The following ABR variants were observed in gnomAD, a reference collection of about 807,000 sequenced individuals.
The protein encoded by ABR is ABR activator of RhoGEF and GTPase.
In ABR, 35 loss-of-function variants were observed where a neutral mutation model predicts 107.2. That is an observed-to-expected ratio of 0.33 (90% CI 0.25 to 0.43). The LOEUF is 0.43. Ranked by LOEUF, ABR falls within the 20% of genes least tolerant of loss-of-function variation. The probability of loss-of-function intolerance (pLI) is 1.00; values close to 1 mark genes in which losing one functional copy is unlikely to be tolerated. For missense variants in ABR, 815 were observed against 1,115.2 expected (o/e 0.73, Z 3.83); for synonymous variants, 498 against 462.0 (o/e 1.08, Z -1.00).
At chr17:1,030,979 TTCTA>T (rs1291624864) in intron 16 of ABR, among the ~76,000 whole-genome samples, 3 of 152,170 alleles carry the variant, frequency 2.0e-5, no homozygotes, top group Non-Finnish European at 4.4e-5. Context: ...GACAGTCGGC[TTCTA>T]TCTCAGATTT....
At chr17:1,135,206 C>T (rs759998598) in intron 1 of ABR, among the ~76,000 whole-genome samples, 4 of 151,984 alleles carry the variant, frequency 2.6e-5, no homozygotes, top group Non-Finnish European at 4.4e-5. Context: ...GGGAGAGGGC[C>T]GTGCTGGAGA....
chr17:1,059,019 G>A, intron 10 of ABR, 152 bp from the exon 11 acceptor site: 1 of 1,171,480 alleles, frequency 8.5e-7, no homozygotes, highest in Non-Finnish European at 1.2e-6. Flanking sequence ...GAGGCGGGTA[G>A]CTGGGTGAGA....
intron 16 of ABR, among the ~76,000 whole-genome samples, chr17:1,016,954 T>G (rs117544671): frequency 6.6e-6 from 1 of 152,158 alleles, no homozygotes; most frequent in East Asian, 1.9e-4. Flanking sequence ...TGCAGCTCGA[T>G]GTAGGTCCTT....
Position 1,111,995 on chromosome 17 carries a change from AC to A in ABR, c.247-11261del, listed in dbSNP as rs945512527. 1.5e-3 allele frequency among the ~76,000 whole-genome samples: 226 copies of A among 152,246 alleles called. 1 individual carries two copies. The highest frequency in any genetic ancestry group is 5.2e-3 in the African/African-American group (215 of 41,530). On this transcript the variant is annotated intron_variant, in intron 2 of 22. Coordinates refer to ENST00000302538, the MANE Select transcript of ABR (RefSeq NM_021962.5). ...CTTCTGTTAGTGCGGCCGCCATCTTACGAGTCTTCCTTCCCTCAACCCCCAC... is the reference window on the plus strand; with the variant it reads ...CTTCTGTTAGTGCGGCCGCCATCTTAGAGTCTTCCTTCCCTCAACCCCCAC...
At chr17:1,072,118 G>T (rs933213862) in intron 8 of ABR, among the ~76,000 whole-genome samples, 1 of 152,196 alleles carries the variant, frequency 6.6e-6, no homozygotes, top group Non-Finnish European at 1.5e-5. Flanking sequence ...TGGCCAGGCT[G>T]GTCTCAAACT....
At chr17:1,228,958 A>G (rs2043278518) in exon 1 of ABR, 1 of 150,106 alleles carries the variant, frequency 6.7e-6, no homozygotes, top group African/African-American at 2.5e-5. Context: ...GCGAGGGGCG[A>G]GCCCGGGCGG....
chr17:1,057,305 GGTTTGTGTGTGTGTGT>G (rs1391416568), intron 12 of ABR, among the ~76,000 whole-genome samples: 10,367 of 136,356 alleles, frequency 0.076, 965 homozygotes, highest in East Asian at 0.15. Flanking sequence ...TAACTGAAGA[GGTTTGTGTGTGTGTGT>G]GTGTGTGTGT....
chr17:1,206,795 A>G (rs1037132162), intron 1 of ABR, among the ~76,000 whole-genome samples: 5 of 152,092 alleles, frequency 3.3e-5, no homozygotes, highest in African/African-American at 1.2e-4. Flanking sequence ...AAAAACATAC[A>G]AAAATTAGGC....
chr17:1,076,716 G>GGGC (rs1567710810), intron 6 of ABR, among the ~76,000 whole-genome samples: 15 of 99,598 alleles, frequency 1.5e-4, no homozygotes, highest in South Asian at 3.7e-4. Flanking sequence ...CAGGTGCACG[G>GGGC]GGGGGGTGGG....
rs941454553 is a variant in ABR at position 1,089,997 on chromosome 17, T to G, written c.531+1668A>C. ...GAAATGCAGTCCGTCCTCCTGGAAC[T>G]TGTGGTTTGGGGGAGTCAGGCAGTT... On this transcript the variant is annotated intron_variant, in intron 4 of 22. Coordinates refer to ENST00000302538, the MANE Select transcript of ABR (RefSeq NM_021962.5). 1.9e-4 allele frequency among the ~76,000 whole-genome samples: 29 copies of G among 152,120 alleles called. 1 individual carries two copies. The highest frequency in any genetic ancestry group is 6.5e-5 in the Admixed American group (1 of 15,268).
intron 1 of ABR, among the ~76,000 whole-genome samples, chr17:1,174,304 T>A (rs1192041037): frequency 1.3e-5 from 2 of 152,162 alleles, no homozygotes; most frequent in African/African-American, 4.8e-5. Flanking sequence ...CAAAAAGGAA[T>A]AAATTACTGG....
chr17:1,180,609 G>GC (rs1416336612), upstream of ABR, among the ~76,000 whole-genome samples: 1 of 152,214 alleles, frequency 6.6e-6, no homozygotes, highest in Non-Finnish European at 1.5e-5. Flanking sequence ...GCCAGGAGAA[G>GC]CCCCAAGGGC....
At chr17:1,107,179 T>C (rs1447649784) in intron 2 of ABR, among the ~76,000 whole-genome samples, 1 of 152,234 alleles carries the variant, frequency 6.6e-6, no homozygotes, top group African/African-American at 2.4e-5. Context: ...ACCATCCCGG[T>C]GCTCACGGGG....
At chr17:1,215,976 G>GCGTGCT (rs1417152777) in intron 1 of ABR, among the ~76,000 whole-genome samples, 1 of 134,062 alleles carries the variant, frequency 7.5e-6, no homozygotes, top group African/African-American at 2.7e-5. Context: ...CTTGAAGGCA[G>GCGTGCT]CGTGCTCGTT....
intron 1 of ABR, among the ~76,000 whole-genome samples, chr17:1,197,711 G>A (rs1188064509): frequency 6.6e-6 from 1 of 151,550 alleles, no homozygotes; most frequent in Admixed American, 6.6e-5. Flanking sequence ...ACCCCAGGCT[G>A]GTCCCCTGAG....
intron 14 of ABR, among the ~76,000 whole-genome samples, chr17:1,054,181 CAG>C (rs1319786054): frequency 6.6e-6 from 1 of 152,216 alleles, no homozygotes; most frequent in East Asian, 1.9e-4. Context: ...GCCGGAGGCT[CAG>C]AGCGGACCGT....
intron 16 of ABR, among the ~76,000 whole-genome samples, chr17:1,018,171 TAGC>T (rs2071321725): frequency 6.6e-6 from 1 of 151,978 alleles, no homozygotes; most frequent in Non-Finnish European, 1.5e-5. Flanking sequence ...GCCTCCTGAG[TAGC>T]TGGGACTACA....
intron 1 of ABR, chr17:1,126,300 C>T (rs930750971): frequency 2.0e-5 from 3 of 152,406 alleles, no homozygotes; most frequent in Admixed American, 6.5e-5. Flanking sequence ...ACAAACCGGC[C>T]CCTGCCCCTT....
chr17:1,061,134 G>A (rs1421884473), intron 10 of ABR, among the ~76,000 whole-genome samples: 2 of 152,218 alleles, frequency 1.3e-5, no homozygotes, highest in Non-Finnish European at 2.9e-5. Context: ...CACTGGACAG[G>A]GATATACATG....
Sources: allele counts gnomAD v4.1 joint callset (sites outside exome capture counted in the v4.1 genomes callset), GRCh38; gene constraint gnomAD v4.1.1; transcripts MANE v1.5; gene names NCBI Gene and HGNC (gene_info 2026-07-23, HGNC 2026-07-21).